Variants in SLC39A11 observed in about 807,000 individuals in gnomAD.
The protein encoded by SLC39A11 is zinc transporter ZIP11.
A neutral mutation model predicts 36.1 loss-of-function variants in SLC39A11; 33 were observed. The ratio of observed to expected loss-of-function variants is 0.91; its 90% CI spans 0.69 to 1.22. The LOEUF is 1.22. Among genes scored for constraint, SLC39A11 ranks in the 50% most tolerant of loss-of-function variants. SLC39A11 has a pLI of 0.00. For synonymous variants in SLC39A11, 166 were observed against 170.3 expected, an observed-to-expected ratio of 0.97 and a Z score of 0.20; for missense variants, 432 against 430.3, an observed-to-expected ratio of 1.00 and a Z score of -0.03.
intron 3 of SLC39A11, among the ~76,000 whole-genome samples, chr17:73,062,173 G>A (rs1361022814): frequency 6.6e-6 from 1 of 151,686 alleles, no homozygotes; most frequent in Non-Finnish European, 1.5e-5. Context: ...CAAAACTTCA[G>A]ATGAGGCCGG....
At chr17:73,046,391 T>C (rs1428569120) in intron 3 of SLC39A11, among the ~76,000 whole-genome samples, 1 of 152,054 alleles carries the variant, frequency 6.6e-6, no homozygotes, top group Non-Finnish European at 1.5e-5. Context: ...TCCTGGGAGA[T>C]GGAAGGCAGG....
In SLC39A11 at chr17:73,088,332, A is replaced by C. The variant is rs1183020450; in HGVS notation, c.108+325T>G. Among the ~76,000 whole-genome samples the C allele has an allele frequency of 3.3e-5, 5 of 151,916 alleles. No homozygotes were observed. In the East Asian group the frequency reaches 9.7e-4, roughly 29 times the overall value. On this transcript the variant is annotated intron_variant, in intron 2 of 9. Coordinates refer to ENST00000255559, the MANE Select transcript of SLC39A11 (RefSeq NM_139177.4). ...AAAAAGAAAAAAGAAAAGAAATTAC[A>C]TGGCAGGTAGAAATTAGGCAGCGGG...
At chr17:72,768,769 A>T (rs112919551) in intron 6 of SLC39A11, among the ~76,000 whole-genome samples, 10 of 146,708 alleles carry the variant, frequency 6.8e-5, no homozygotes, top group African/African-American at 2.5e-4. Flanking sequence ...TATTATTATT[A>T]TTATTTTTTG....
Position 72,736,708 on chromosome 17 carries a change from C to G in SLC39A11, c.613G>C (p.Val205Leu). 2 of 1,613,990 alleles carry G rather than the reference C, an allele frequency of 1.2e-6. No individual in the cohort carries two copies. The highest frequency in any genetic ancestry group is 1.7e-6 in the Non-Finnish European group (2 of 1,179,880). Residue 205 changes from valine (V) to leucine (L), a missense_variant, in exon 7 of 10, where the codon GTT (valine) becomes CTT (leucine). Physicochemically the swap from Val to Leu is conservative, Grantham distance 32. Coordinates refer to ENST00000255559, the MANE Select transcript of SLC39A11 (RefSeq NM_139177.4). ...TIHNVPEGLA[V>L]GVGFGAIEKT... is the part of the protein sequence containing the mutation. The stretch of plus-strand genomic sequence containing the variant: ...TCTATAGCCCCAAATCCAACTCCAA[C>G]AGCGAGACCCTCTGAAATAGATGTA...
chr17:73,040,810 C>A (rs1449977844), intron 3 of SLC39A11, among the ~76,000 whole-genome samples: 1 of 151,908 alleles, frequency 6.6e-6, no homozygotes, highest in African/African-American at 2.4e-5. Flanking sequence ...TATGGTGAAA[C>A]CCTGTTTCTA....
chr17:72,812,885 G>A (rs1461522321), intron 6 of SLC39A11, among the ~76,000 whole-genome samples: 6 of 151,992 alleles, frequency 3.9e-5, no homozygotes, highest in East Asian at 1.9e-4. Context: ...ATAGCATCCC[G>A]CTTTTCTTTG....
intron 4 of SLC39A11, among the ~76,000 whole-genome samples, chr17:72,986,491 C>T (rs1462964941): frequency 2.0e-5 from 3 of 152,214 alleles, no homozygotes; most frequent in East Asian, 1.9e-4. Context: ...GGCCCACAGA[C>T]CCTCCAAGGA....
intron 6 of SLC39A11, among the ~76,000 whole-genome samples, chr17:72,834,486 G>T (rs1442429218): frequency 1.8e-4 from 27 of 152,142 alleles, no homozygotes; most frequent in African/African-American, 6.3e-4. Context: ...CCTGCGCATG[G>T]TGACACACGC....
chr17:73,049,084 C>T (rs1356699500), intron 3 of SLC39A11, among the ~76,000 whole-genome samples: 2 of 152,230 alleles, frequency 1.3e-5, no homozygotes, highest in Non-Finnish European at 2.9e-5. Context: ...TATTTGTACA[C>T]AGGTCTGTAG....
Position 73,062,064 on chromosome 17 carries a change from A to G in SLC39A11, c.147+22744T>C, listed in dbSNP as rs181332878. On this transcript the variant is annotated intron_variant, in intron 3 of 9. Transcript: ENST00000255559. ...TACCACAGACAAAATGAAACAAATT[A>G]TGGAAAAATAATGGTGTGGCGACTG... 1.2e-3 allele frequency among the ~76,000 whole-genome samples: 182 copies of G among 152,272 alleles called. 2 individuals carry two copies. Among genetic ancestry groups the G allele is most frequent in the Non-Finnish European group, 2.1e-3 (144 of 68,020 alleles).
intron 5 of SLC39A11, among the ~76,000 whole-genome samples, chr17:72,942,728 G>A (rs544248167): frequency 6.6e-6 from 1 of 152,314 alleles, no homozygotes; most frequent in African/African-American, 2.4e-5. Flanking sequence ...TAGCGCCAAG[G>A]AAACTTGGGA....
chr17:72,891,099 G>C (rs1207884082), intron 5 of SLC39A11, among the ~76,000 whole-genome samples: 1 of 151,688 alleles, frequency 6.6e-6, no homozygotes, highest in Non-Finnish European at 1.5e-5. Context: ...GTTGGGGGGT[G>C]GGGGGTGGCA....
intron 3 of SLC39A11, among the ~76,000 whole-genome samples, chr17:73,065,320 G>A (rs1376841972): frequency 1.3e-5 from 2 of 152,136 alleles, no homozygotes; most frequent in Admixed American, 6.6e-5. Flanking sequence ...CAGGAGAATC[G>A]CTTGAACCTG....
intron 7 of SLC39A11, among the ~76,000 whole-genome samples, chr17:72,715,640 G>A (rs2143435325): frequency 1.3e-5 from 2 of 152,236 alleles, no homozygotes; most frequent in Middle Eastern, 6.8e-3. Flanking sequence ...GGGGCTGGGG[G>A]GAGATAAGGA....
chr17:72,683,768 A>T (rs755244954), intron 7 of SLC39A11, among the ~76,000 whole-genome samples: 4 of 152,088 alleles, frequency 2.6e-5, no homozygotes, highest in South Asian at 2.1e-4. Flanking sequence ...ACCAAAGTGC[A>T]GCTCAAAGTC....
chr17:72,963,356 G>C (rs1002834054), intron 4 of SLC39A11, among the ~76,000 whole-genome samples: 5 of 151,676 alleles, frequency 3.3e-5, no homozygotes, highest in African/African-American at 9.7e-5. Context: ...ATTTTTAGTA[G>C]AGACGGGGTT....
intron 3 of SLC39A11, among the ~76,000 whole-genome samples, chr17:73,037,234 C>T (rs148024364): frequency 3.9e-5 from 6 of 152,262 alleles, no homozygotes; most frequent in African/African-American, 7.2e-5. Flanking sequence ...CCATTCATTT[C>T]GGTAAATAAG....
chr17:72,781,744 G>T (rs555341298), intron 6 of SLC39A11, among the ~76,000 whole-genome samples: 45 of 152,192 alleles, frequency 3.0e-4, no homozygotes, highest in Non-Finnish European at 6.0e-4. Context: ...ATACAAGCTC[G>T]TGTTGGGGTG....
At chr17:72,649,315 C>T (rs1289959879) in intron 7 of SLC39A11, 47 bp from the exon 8 acceptor site, 2 of 1,565,660 alleles carry the variant, frequency 1.3e-6, no homozygotes, top group Non-Finnish European at 1.7e-6. Context: ...GGAATAGGTG[C>T]TCACACAATG....
Sources: allele counts gnomAD v4.1 joint callset (sites outside exome capture counted in the v4.1 genomes callset), GRCh38; gene constraint gnomAD v4.1.1; transcripts MANE v1.5; gene names NCBI Gene and HGNC (gene_info 2026-07-23, HGNC 2026-07-21).